CEP192: variants seen among roughly 807,000 people sequenced by gnomAD.
CEP192 encodes the protein centrosomal protein 192, also known as centrosomal protein of 192 kDa.
A neutral mutation model predicts 271.8 loss-of-function variants in CEP192; 151 were observed. That is an observed-to-expected ratio of 0.56 (90% CI 0.49 to 0.64). CEP192 has a LOEUF of 0.64. Ranked by LOEUF, CEP192 falls within the 30% of genes least tolerant of loss-of-function variation. CEP192 has a pLI of 0.00. For synonymous variants in CEP192, 995 were observed against 1,076.5 expected (o/e 0.92, Z 1.48); for missense variants, 2,910 against 3,020.5 (o/e 0.96, Z 0.86).
Position 13,059,274 on chromosome 18 carries a change from G to T in CEP192, c.4450G>T (p.Val1484Phe). 1.2e-6 allele frequency: 2 copies of T among 1,614,138 alleles called. No individual in the cohort carries two copies. The highest frequency in any genetic ancestry group is 1.7e-6 in the Non-Finnish European group (2 of 1,179,986). Residue 1484 changes from valine (V) to phenylalanine (F), a missense_variant, in exon 21 of 45, where the codon GTC (valine) becomes TTC (phenylalanine). Coordinates refer to ENST00000506447, the MANE Select transcript of CEP192 (RefSeq NM_032142.4). ...ACAGGCAGAAGCTTTGGCCAGCACCGTCACTCTCACTGCCATTGCCGAGAG... is the reference window on the plus strand; with the variant it reads ...ACAGGCAGAAGCTTTGGCCAGCACCTTCACTCTCACTGCCATTGCCGAGAG... ...IVQAEALAST[V>F]TLTAIAESPV... is the part of the protein sequence containing the mutation.
At chr18:13,052,687 G>A (rs185627803) in intron 17 of CEP192, among the ~76,000 whole-genome samples, 3 of 152,296 alleles carry the variant, frequency 2.0e-5, no homozygotes, top group Admixed American at 1.3e-4. Flanking sequence ...ATGAATTGCT[G>A]TGTGTCTTTA....
At position 13,068,201 on chromosome 18, in the gene CEP192, G is replaced by A; in HGVS notation, c.4722G>A (p.Val1574=). 1 of 1,614,200 alleles carries A rather than the reference G, an allele frequency of 6.2e-7. No individual in the cohort carries two copies. The change falls in exon 23 of 45, where the codon GTG becomes GTA. Residue 1574 remains valine, a synonymous_variant. Transcript: ENST00000506447. ...TCACTCGGCTAGCAGGCCCTTCTGT[G>A]GTCAACCACATGATGCCTGCTAGTT... ...DVVTRLAGPS[V]VNHMMPASYD...
Position 13,116,398 on chromosome 18 carries a change from T to TGGA in CEP192, c.7313_7315dup (p.Gly2438dup). The TGGA allele has an allele frequency of 6.2e-7, 1 of 1,612,508 alleles. No individual in the cohort carries two copies. Among genetic ancestry groups the TGGA allele is most frequent in the Non-Finnish European group, 8.5e-7 (1 of 1,179,608 alleles). On this transcript the variant is annotated inframe_insertion, in exon 43 of 45. Coordinates refer to ENST00000506447, the MANE Select transcript of CEP192 (RefSeq NM_032142.4). Reference sequence around the variant, plus strand: ...GCAGGCAGCTTGATGTGACTGCTCGTGGAGTTTATGCCCCAGAGGATGTGT... The same window carrying TGGA: ...GCAGGCAGCTTGATGTGACTGCTCGTGGAGGAGTTTATGCCCCAGAGGATGTGT...
At chr18:13,041,020 T>G in intron 14 of CEP192, 64 bp downstream of exon 14, 8 of 1,381,958 alleles carry the variant, frequency 5.8e-6, no homozygotes, top group Non-Finnish European at 8.0e-6. Flanking sequence ...ACTTAGGGGT[T>G]AAATGGGTGA....
At chr18:12,994,525 T>C (rs537042982) in intron 1 of CEP192, among the ~76,000 whole-genome samples, 3 of 152,094 alleles carry the variant, frequency 2.0e-5, no homozygotes, top group African/African-American at 7.2e-5. Flanking sequence ...TCTTGGATAA[T>C]TAATTGTAGG....
intron 9 of CEP192, among the ~76,000 whole-genome samples, chr18:13,021,616 A>G (rs2035000382): frequency 6.6e-6 from 1 of 152,208 alleles, no homozygotes; most frequent in South Asian, 2.1e-4. Context: ...TATGAATTTG[A>G]AGATCAGCTT....
intron 30 of CEP192, among the ~76,000 whole-genome samples, chr18:13,084,724 A>C (rs2038807086): frequency 6.6e-6 from 1 of 152,190 alleles, no homozygotes; most frequent in Admixed American, 6.5e-5. Context: ...TGGGAGCTGC[A>C]GACCGGAGCT....
At chr18:13,042,100 A>G (rs1475058099) in intron 14 of CEP192, 104 bp from the exon 15 acceptor site, 14 of 866,018 alleles carry the variant, frequency 1.6e-5, no homozygotes, top group African/African-American at 3.4e-5. Flanking sequence ...GGGTACAAAG[A>G]CATCTTCCTT....
At chr18:13,119,430 G>A (rs778140440) in intron 44 of CEP192, among the ~76,000 whole-genome samples, 1 of 152,172 alleles carries the variant, frequency 6.6e-6, no homozygotes, top group African/African-American at 2.4e-5. Context: ...ATTTCAAGGA[G>A]CTCTTCTTAC....
chr18:12,991,378 T>G lies in CEP192; in HGVS notation c.-64T>G, dbSNP rs940916596. The G allele has an allele frequency of 4.6e-5, 7 of 152,478 alleles. No individual in the cohort carries two copies. The highest frequency in any genetic ancestry group is 3.4e-3 in the Middle Eastern group (1 of 296). The allele number at this position is 152,478 out of a possible 1,614,324, so 9.4% of individuals were successfully genotyped here. On this transcript the variant is annotated 5_prime_UTR_variant, in exon 1 of 45. Coordinates refer to ENST00000506447, the MANE Select transcript of CEP192 (RefSeq NM_032142.4). ...CGCACTTGCAGTGCCCTGGGACACC[T>G]CTTCAGTCCGTGGACTTTCCCGCTG...
At chr18:13,003,765 A>G (rs62095830) in intron 3 of CEP192, among the ~76,000 whole-genome samples, 5 of 152,044 alleles carry the variant, frequency 3.3e-5, no homozygotes, top group Non-Finnish European at 7.4e-5. Context: ...GCACCACTGC[A>G]CTCTAGTCTG....
chr18:13,001,253 C>T (rs565410999), intron 2 of CEP192, among the ~76,000 whole-genome samples: 1 of 152,284 alleles, frequency 6.6e-6, no homozygotes, highest in African/African-American at 2.4e-5. Context: ...ATTTTTGTGA[C>T]TGTATTGTTG....
In CEP192 at chr18:13,092,857, A is replaced by G. The variant is rs77270829; in HGVS notation, c.6254+330A>G. On this transcript the variant is annotated intron_variant, in intron 34 of 44. Transcript: ENST00000506447. ...ATAACCAATTAGCCCTAAATTTCCT[A>G]AAAACACTCTCCTACGGCCAGGTAT... Among the ~76,000 whole-genome samples, 127 of 152,232 alleles carry G rather than the reference A, an allele frequency of 8.3e-4. No individual in the cohort carries two copies. The East Asian group carries it at 0.021, about 26-fold the overall frequency.
chr18:13,010,917 C>A (rs1268022021), intron 4 of CEP192, among the ~76,000 whole-genome samples: 1 of 151,792 alleles, frequency 6.6e-6, no homozygotes, highest in Non-Finnish European at 1.5e-5. Flanking sequence ...ATTAGACATC[C>A]AGGAAATGCA....
intron 15 of CEP192, among the ~76,000 whole-genome samples, chr18:13,048,461 T>C (rs1449810676): frequency 1.3e-5 from 2 of 152,198 alleles, no homozygotes; most frequent in Non-Finnish European, 2.9e-5. Context: ...AGAGGAGCTA[T>C]CAAGTGCTTC....
At chr18:13,088,788 G>GTTTTACAAGAGGGAATTAATGTA (rs1421398417) in intron 32 of CEP192, 1 of 271,184 alleles carries the variant, frequency 3.7e-6, no homozygotes, top group Non-Finnish European at 7.8e-6. Flanking sequence ...GGAATTTAAT[G>GTTTTACAAGAGGGAATTAATGTA]GCGACTTGCT....
At chr18:13,050,393 A>G (rs1384696082) in intron 17 of CEP192, among the ~76,000 whole-genome samples, 1 of 152,186 alleles carries the variant, frequency 6.6e-6, no homozygotes, top group South Asian at 2.1e-4. Context: ...AAAGATACCT[A>G]TTAACTATTT....
intron 2 of CEP192, among the ~76,000 whole-genome samples, chr18:13,000,039 G>C (rs536284967): frequency 7.0e-6 from 1 of 142,006 alleles, no homozygotes; most frequent in South Asian, 2.2e-4. Context: ...ATCAGGACTT[G>C]GGTTTTTGTC....
chr18:13,099,751 T>G (rs548201281), intron 37 of CEP192, among the ~76,000 whole-genome samples, 170 bp downstream of exon 37: 2 of 152,208 alleles, frequency 1.3e-5, no homozygotes, highest in African/African-American at 4.8e-5. Context: ...ATTGAAATTA[T>G]TTGGGGAAAA....
Sources: gnomAD v4.1 joint callset for allele counts (sites outside exome capture counted in the v4.1 genomes callset) on GRCh38, gnomAD v4.1.1 for gene constraint, MANE v1.5 for transcripts, NCBI Gene and HGNC (gene_info 2026-07-23, HGNC 2026-07-21) for gene names.